Variants in SEPTIN7 observed in about 807,000 individuals in gnomAD.
SEPTIN7 encodes the protein septin 7.
SEPTIN7 carries 10 observed loss-of-function variants against 63.3 expected under a neutral mutation model. That is an observed-to-expected ratio of 0.16 (90% CI 0.10 to 0.27). The LOEUF is 0.27. SEPTIN7 is among the 10% of genes least tolerant of loss of function. The probability of loss-of-function intolerance (pLI) is 1.00; values close to 1 mark genes in which losing one functional copy is unlikely to be tolerated. For synonymous variants in SEPTIN7, 131 were observed against 165.3 expected (o/e 0.79, Z 1.59); for missense variants, 310 against 521.0 (o/e 0.59, Z 3.94).
intron 3 of SEPTIN7, among the ~76,000 whole-genome samples, chr7:35,839,161 T>G (rs1420213110): frequency 6.6e-6 from 1 of 152,232 alleles, no homozygotes; most frequent in Non-Finnish European, 1.5e-5. Context: ...AAGGAGGACC[T>G]GCCTTTTTGA....
intron 4 of SEPTIN7, among the ~76,000 whole-genome samples, chr7:35,870,623 A>G (rs537744219): frequency 1.3e-5 from 2 of 152,226 alleles, no homozygotes. Flanking sequence ...GTTAGATTTG[A>G]CTGGGTTGTC....
At chr7:35,810,735 T>C (rs112063946) in intron 1 of SEPTIN7, among the ~76,000 whole-genome samples, 1,668 of 152,218 alleles carry the variant, frequency 0.011, 38 homozygotes, top group East Asian at 0.08. Flanking sequence ...TCCTTATATA[T>C]TGTTATTGTC....
intron 11 of SEPTIN7, among the ~76,000 whole-genome samples, chr7:35,896,506 T>C (rs1371184298): frequency 6.6e-6 from 1 of 152,170 alleles, no homozygotes; most frequent in Non-Finnish European, 1.5e-5. Context: ...ACACATTTGG[T>C]ATGCTGTTTC....
chr7:35,829,925 C>T lies in SEPTIN7; in HGVS notation c.62-1567C>T, dbSNP rs189719349. On this transcript the variant is annotated intron_variant, in intron 1 of 13. Transcript: ENST00000350320. Reference sequence around the variant, plus strand: ...ATCTGTGGCTGGGCTCGGTGGCTTACGCCTGTAATCCCAGCACTTTGGGAG... The same window carrying T: ...ATCTGTGGCTGGGCTCGGTGGCTTATGCCTGTAATCCCAGCACTTTGGGAG... Among the ~76,000 whole-genome samples, 1,299 of 151,914 alleles carry T rather than the reference C, an allele frequency of 8.6e-3. 16 individuals carry two copies. Among genetic ancestry groups the T allele is most frequent in the African/African-American group, 0.03 (1,252 of 41,452 alleles).
intron 3 of SEPTIN7, among the ~76,000 whole-genome samples, chr7:35,856,021 C>T (rs1785186316): frequency 1.3e-5 from 2 of 152,046 alleles, no homozygotes; most frequent in South Asian, 2.1e-4. Context: ...ATCAAACTTC[C>T]ATGTGTTTCT....
intron 10 of SEPTIN7, among the ~76,000 whole-genome samples, chr7:35,886,865 C>T (rs1244511668): frequency 1.3e-5 from 2 of 152,156 alleles, no homozygotes; most frequent in Non-Finnish European, 2.9e-5. Context: ...AAACTGCTAC[C>T]TCAAGAAATA....
intron 12 of SEPTIN7, chr7:35,902,049 A>G (rs1014291833): frequency 1.3e-5 from 2 of 149,728 alleles, no homozygotes; most frequent in Admixed American, 6.7e-5. Context: ...TAATATGTAT[A>G]TAATATATAA....
chr7:35,902,987 A>ACTC (rs1562593796), intron 12 of SEPTIN7, 89 bp from the exon 13 acceptor site: 3 of 1,435,540 alleles, frequency 2.1e-6, no homozygotes, highest in Non-Finnish European at 2.7e-6. Flanking sequence ...TAGTGCTCAT[A>ACTC]CTCCTTATCA....
At chr7:35,840,272 T>G (rs1306884155) in intron 3 of SEPTIN7, among the ~76,000 whole-genome samples, 1 of 137,854 alleles carries the variant, frequency 7.3e-6, no homozygotes, top group Admixed American at 7.3e-5. Flanking sequence ...TCTTCTTTTC[T>G]TTTTGAAACA....
intron 3 of SEPTIN7, among the ~76,000 whole-genome samples, chr7:35,853,524 A>G (rs1785061558): frequency 6.6e-6 from 1 of 152,070 alleles, no homozygotes; most frequent in Non-Finnish European, 1.5e-5. Flanking sequence ...AGGACATGAG[A>G]TTTGCCATTC....
chr7:35,829,196 C>T (rs189474570), intron 1 of SEPTIN7, among the ~76,000 whole-genome samples: 3 of 135,012 alleles, frequency 2.2e-5, no homozygotes, highest in Non-Finnish European at 4.6e-5. Flanking sequence ...AGTGCAATGG[C>T]ACGATCTCGG....
chr7:35,814,626 T>C (rs1162033392), intron 1 of SEPTIN7, among the ~76,000 whole-genome samples: 7 of 151,994 alleles, frequency 4.6e-5, no homozygotes, highest in Non-Finnish European at 8.8e-5. Flanking sequence ...TTTGTGTTAC[T>C]GGTGATTTTC....
At chr7:35,912,520 CT>C in the SEPTIN7 span, among the ~76,000 whole-genome samples, 2 of 152,202 alleles carry the variant, frequency 1.3e-5, no homozygotes, top group South Asian at 4.1e-4. Flanking sequence ...GCTCTGAAGG[CT>C]GTGAGACCCC....
chr7:35,890,473 T>A (rs116354468), intron 10 of SEPTIN7, 195 bp from the exon 11 acceptor site: 34 of 345,168 alleles, frequency 9.9e-5, no homozygotes, highest in African/African-American at 6.6e-4. Flanking sequence ...GGTGTCAAGT[T>A]AGCTTATTTT....
chr7:35,855,284 A>G (rs887768484), intron 3 of SEPTIN7, among the ~76,000 whole-genome samples: 3 of 152,130 alleles, frequency 2.0e-5, no homozygotes, highest in Non-Finnish European at 2.9e-5. Flanking sequence ...TATCTTTATC[A>G]TGATTTATAC....
At position 35,904,475 on chromosome 7, in the gene SEPTIN7, G is replaced by A; in HGVS notation, c.*182G>A. ...GATTAAGATGCCTTGAATTGTCTAG[G>A]GTGTTCTGTACTTAGAAAGTAAGAG... On this transcript the variant is annotated 3_prime_UTR_variant, in exon 14 of 14. Transcript: ENST00000350320. 4.4e-6 allele frequency: 2 copies of A among 451,072 alleles called. 1 individual carries two copies. The highest frequency in any genetic ancestry group is 1.1e-4 in the South Asian group (2 of 18,610). The allele number at this position is 451,072 out of a possible 1,614,324, so 27.9% of individuals were successfully genotyped here. A position where few individuals can be genotyped will look rare whatever the true frequency, so the allele number is the denominator to read the frequency against.
At chr7:35,812,966 C>T (rs1168119362) in intron 1 of SEPTIN7, among the ~76,000 whole-genome samples, 2 of 152,138 alleles carry the variant, frequency 1.3e-5, no homozygotes, top group African/African-American at 4.8e-5. Flanking sequence ...TCCCCATATT[C>T]TTCTGATTAT....
At chr7:35,813,683 T>C (rs1788878883) in intron 1 of SEPTIN7, among the ~76,000 whole-genome samples, 1 of 152,162 alleles carries the variant, frequency 6.6e-6, no homozygotes, top group Admixed American at 6.5e-5. Flanking sequence ...CCAATATTAG[T>C]ATTCTTGCTT....
At chr7:35,893,927 G>A (rs1030783935) in intron 11 of SEPTIN7, among the ~76,000 whole-genome samples, 1 of 152,088 alleles carries the variant, frequency 6.6e-6, no homozygotes, top group Non-Finnish European at 1.5e-5. Context: ...ACCTGTTTCT[G>A]ACAAAGTATG....
Sources: gnomAD v4.1 joint callset for allele counts (sites outside exome capture counted in the v4.1 genomes callset) on GRCh38, gnomAD v4.1.1 for gene constraint, MANE v1.5 for transcripts, NCBI Gene and HGNC (gene_info 2026-07-23, HGNC 2026-07-21) for gene names.